The following XIRP2 variants were observed in gnomAD, a reference collection of about 807,000 sequenced individuals.
The protein encoded by XIRP2 is xin actin-binding repeat-containing protein 2.
Under a neutral mutation model 277.0 loss-of-function variants are expected in XIRP2, and 236 were observed. The ratio of observed to expected loss-of-function variants is 0.85; its 90% CI spans 0.77 to 0.95. The LOEUF is 0.95. Ranked by LOEUF, XIRP2 falls within the 40% of genes least tolerant of loss-of-function variation. The pLI is 0.00. For synonymous variants in XIRP2, 1,490 were observed against 1,416.5 expected (o/e 1.05, Z -1.17); for missense variants, 4,640 against 4,157.5 (o/e 1.12, Z -3.19).
chr2:166,937,953 A>AT (rs1251881974), intron 2 of XIRP2, among the ~76,000 whole-genome samples: 5 of 152,038 alleles, frequency 3.3e-5, no homozygotes, highest in Non-Finnish European at 7.4e-5. Context: ...CCCCTTTATC[A>AT]TTTTTTATTG....
chr2:166,935,808 AT>A (rs1171637910), intron 2 of XIRP2, among the ~76,000 whole-genome samples: 1 of 152,204 alleles, frequency 6.6e-6, no homozygotes, highest in Non-Finnish European at 1.5e-5. Context: ...AATCCAGTAT[AT>A]CATTGATGGA....
chr2:167,036,196 G>A (rs952481299), intron 2 of XIRP2, among the ~76,000 whole-genome samples: 1 of 152,202 alleles, frequency 6.6e-6, no homozygotes, highest in African/African-American at 2.4e-5. Context: ...CTGCTTAGTA[G>A]AGCTGTGAGA....
chr2:167,166,005 T>G (rs949741109), intron 3 of XIRP2, among the ~76,000 whole-genome samples: 1 of 152,210 alleles, frequency 6.6e-6, no homozygotes, highest in Non-Finnish European at 1.5e-5. Flanking sequence ...TAGAATTTTT[T>G]TATAAAACAT....
rs778013895 is a variant in XIRP2, at chr2:167,247,107, T to C, written c.5715T>C (p.Ala1905=). The C allele has an allele frequency of 7.4e-6, 12 of 1,613,260 alleles. No homozygotes were observed. The highest frequency in any genetic ancestry group is 1.0e-5 in the Non-Finnish European group (12 of 1,179,682). The change falls in exon 9 of 11, where the codon GCT becomes GCC. Residue 1905 remains alanine (A), a synonymous_variant. Transcript: ENST00000409195. The stretch of plus-strand genomic sequence containing the variant: ...AAGCTATTGAATGCCTTGAAAAAGC[T>C]ACAAATACAAAGACAGAAATTCTGA... The part of the protein sequence containing the change: ...IEKAIECLEK[A]TNTKTEILKK...
chr2:167,251,953 T>A lies in XIRP2; in HGVS notation c.10555+6T>A, dbSNP rs1365651599. On this transcript the variant is annotated splice_donor_region_variant and intron_variant, in intron 9 of 10. Coordinates refer to ENST00000409195, the MANE Select transcript of XIRP2 (RefSeq NM_152381.6). ...GGAATCTGCATTTATAAGTGGTAAA[T>A]GAGCTTGCAATGTGTTAAAGAAGAT... is the stretch of plus-strand genomic sequence containing the variant. 1 of 1,537,900 alleles carries A rather than the reference T, an allele frequency of 6.5e-7. No individual in the cohort carries two copies. Among genetic ancestry groups the A allele is most frequent in the South Asian group, 1.3e-5 (1 of 75,710 alleles).
chr2:166,916,571 A>T (rs936451586), intron 2 of XIRP2, among the ~76,000 whole-genome samples: 1 of 152,214 alleles, frequency 6.6e-6, no homozygotes, highest in Non-Finnish European at 1.5e-5. Flanking sequence ...AATAAAAAAT[A>T]AGGATTATTC....
chr2:167,025,131 A>C (rs1688113769), intron 2 of XIRP2, among the ~76,000 whole-genome samples: 2 of 151,946 alleles, frequency 1.3e-5, no homozygotes, highest in Admixed American at 6.6e-5. Context: ...ACAATTTCAG[A>C]TCCTGTTATT....
chr2:167,022,351 C>T (rs769147023), intron 2 of XIRP2, among the ~76,000 whole-genome samples: 16 of 151,968 alleles, frequency 1.1e-4, no homozygotes, highest in Non-Finnish European at 1.9e-4. Context: ...GCTAAAGACA[C>T]AATGATTTTC....
In XIRP2 at chr2:167,175,095, G is replaced by A. The variant is rs568477768; in HGVS notation, c.563-35640G>A. Among the ~76,000 whole-genome samples the A allele has an allele frequency of 6.6e-5, 10 of 152,198 alleles. No homozygotes were observed. In the South Asian group the frequency reaches 2.1e-3, roughly 32 times the overall value. ...GGAGAGTTCTGTAGATGTCTATTAG[G>A]TCTGCTTTGTCCAGAGCTGAGTTCA... On this transcript the variant is annotated intron_variant, in intron 3 of 10. Transcript: ENST00000409195.
At chr2:167,074,747 G>A (rs1050615881) in intron 2 of XIRP2, among the ~76,000 whole-genome samples, 7 of 151,792 alleles carry the variant, frequency 4.6e-5, no homozygotes, top group African/African-American at 1.5e-4. Context: ...TCAAGTGATC[G>A]TCCCACTTCA....
chr2:167,209,645 TACATACCTATA>T (rs1693964058), intron 3 of XIRP2, among the ~76,000 whole-genome samples: 1 of 151,916 alleles, frequency 6.6e-6, no homozygotes, highest in Admixed American at 6.6e-5. Flanking sequence ...AGCACATGTA[TACATACCTATA>T]ACATGCCCTT....
At chr2:167,231,257 G>A (rs1044794913) in intron 5 of XIRP2, among the ~76,000 whole-genome samples, 1 of 151,832 alleles carries the variant, frequency 6.6e-6, no homozygotes, top group East Asian at 1.9e-4. Flanking sequence ...AAACTCAGAG[G>A]GACACTGAAA....
chr2:167,009,750 C>T (rs555297685), intron 2 of XIRP2, among the ~76,000 whole-genome samples: 2 of 151,982 alleles, frequency 1.3e-5, no homozygotes, highest in East Asian at 1.9e-4. Flanking sequence ...TTTTAATGAT[C>T]GCTATTCTAA....
chr2:167,026,045 G>A (rs928515483), intron 2 of XIRP2, among the ~76,000 whole-genome samples: 12 of 152,118 alleles, frequency 7.9e-5, no homozygotes, highest in Non-Finnish European at 1.8e-4. Context: ...GTCTAATGTT[G>A]AGTGTGGGGT....
intron 3 of XIRP2, among the ~76,000 whole-genome samples, chr2:167,154,110 G>A (rs1183326347): frequency 1.3e-5 from 2 of 149,614 alleles, no homozygotes; most frequent in Admixed American, 6.6e-5. Context: ...TCTAACTGGT[G>A]TGAGATGGTA....
At chr2:167,087,292 C>G (rs1292168788) in intron 2 of XIRP2, among the ~76,000 whole-genome samples, 1 of 152,214 alleles carries the variant, frequency 6.6e-6, no homozygotes, top group African/African-American at 2.4e-5. Flanking sequence ...AGGAGGCAGT[C>G]TGCCCGTTCT....
chr2:167,250,787 G>T lies in XIRP2; in HGVS notation c.9395G>T (p.Arg3132Leu), dbSNP rs1281649066. ...ATCACAATAGAATCTACTGCCCGAC[G>T]AACAGAAAACCCTACTAAGAACGAG... is the stretch of plus-strand genomic sequence containing the variant. ...TFITIESTAR[R>L]TENPTKNELS... The change falls in exon 9 of 11, where the codon CGA becomes CTA. Residue 3132 changes from arginine (R) to leucine (L), a missense_variant. By Grantham distance (102) the Arg-to-Leu change is moderately radical. Transcript: ENST00000409195. 1 of 1,612,992 alleles carries T rather than the reference G, an allele frequency of 6.2e-7. No individual in the cohort carries two copies. Among genetic ancestry groups the T allele is most frequent in the Non-Finnish European group, 8.5e-7 (1 of 1,179,580 alleles).
chr2:166,984,823 G>A (rs1686959909), intron 2 of XIRP2, among the ~76,000 whole-genome samples: 1 of 152,216 alleles, frequency 6.6e-6, no homozygotes, highest in Non-Finnish European at 1.5e-5. Context: ...CTGATATTGA[G>A]GTTAGAGAAT....
chr2:167,024,087 A>G (rs1417051217), intron 2 of XIRP2, among the ~76,000 whole-genome samples: 24 of 150,168 alleles, frequency 1.6e-4, no homozygotes, highest in African/African-American at 4.7e-4. Flanking sequence ...CCTACCCATG[A>G]GCATGGAATG....
Sources: gnomAD v4.1 joint callset for allele counts (sites outside exome capture counted in the v4.1 genomes callset) on GRCh38, gnomAD v4.1.1 for gene constraint, MANE v1.5 for transcripts, NCBI Gene and HGNC (gene_info 2026-07-23, HGNC 2026-07-21) for gene names.